The following ILK variants were observed in gnomAD, a reference collection of about 807,000 sequenced individuals.
ILK encodes scaffold protein ILK.
In ILK, 37 loss-of-function variants were observed where a neutral mutation model predicts 57.8. That is an observed-to-expected ratio of 0.64 (90% CI 0.49 to 0.84). ILK has a LOEUF of 0.84. Among genes scored for constraint, ILK ranks in the 40% least tolerant of loss-of-function variants. The probability of loss-of-function intolerance (pLI) is 0.00; values close to 1 mark genes in which losing one functional copy is unlikely to be tolerated. For synonymous variants in ILK, 231 were observed against 202.2 expected (o/e 1.14, Z -1.21); for missense variants, 528 against 595.7 (o/e 0.89, Z 1.18).
At position 6,610,464 on chromosome 11, in the gene ILK, G is replaced by A. The variant is rs1473803301; in HGVS notation, c.1212G>A (p.Val404=). The change falls in exon 13 of 13, where the codon GTG becomes GTA. Residue 404 remains valine, a splice_region_variant and synonymous_variant. Coordinates refer to ENST00000299421, the MANE Select transcript of ILK (RefSeq NM_004517.4). ...DLSNMEIGMK[V]ALEGLRPTIP... Reference sequence around the variant, plus strand: ...TGCTTTTTTTCTTGTATTCGCAGGTGGCATTGGAAGGCCTTCGGCCTACCA... The same window carrying A: ...TGCTTTTTTTCTTGTATTCGCAGGTAGCATTGGAAGGCCTTCGGCCTACCA... The A allele has an allele frequency of 2.5e-6, 4 of 1,614,076 alleles. No homozygotes were observed. The highest frequency in any genetic ancestry group is 2.5e-6 in the Non-Finnish European group (3 of 1,180,032).
Position 6,610,451 on chromosome 11 carries a change from T to C in ILK, c.1210-11T>C, listed in dbSNP as rs766460035. ...CAAATTGTGAGGCTGCTTTTTTTCTTGTATTCGCAGGTGGCATTGGAAGGC... is the reference window on the plus strand; with the variant it reads ...CAAATTGTGAGGCTGCTTTTTTTCTCGTATTCGCAGGTGGCATTGGAAGGC... On this transcript the variant is annotated splice_polypyrimidine_tract_variant and intron_variant, in intron 12 of 12. Transcript: ENST00000299421. 13 of 1,614,100 alleles carry C rather than the reference T, an allele frequency of 8.1e-6. 1 individual carries two copies. The highest frequency in any genetic ancestry group is 5.0e-5 in the Admixed American group (3 of 60,018).
At chr11:6,604,436 G>C (rs1854618735) in intron 2 of ILK, 76 bp downstream of exon 2, 1 of 1,349,510 alleles carries the variant, frequency 7.4e-7, no homozygotes, top group Non-Finnish European at 1.0e-6. Context: ...CTCATGTCTG[G>C]TGGTGGCGGC....
rs200599853 is a variant in ILK at position 6,610,417 on chromosome 11, T to C, written c.1210-45T>C. 11 of 1,613,962 alleles carry C rather than the reference T, an allele frequency of 6.8e-6. No individual in the cohort carries two copies. The East Asian group carries it at 2.4e-4, about 36-fold the overall frequency. ...CAAGGGCCAGTGGCTTCTCTCTACA[T>C]GACAGACTCAAATTGTGAGGCTGCT... On this transcript the variant is annotated intron_variant, in intron 12 of 12. Coordinates refer to ENST00000299421, the MANE Select transcript of ILK (RefSeq NM_004517.4).
chr11:6,604,852 G>A, intron 2 of ILK: 1 of 456,736 alleles, frequency 2.2e-6, no homozygotes, highest in Non-Finnish European at 4.4e-6. Flanking sequence ...CCATTTTTCA[G>A]TATCGTCTTG....
chr11:6,610,627 G>A lies in ILK; in HGVS notation c.*16G>A, dbSNP rs1209321656. 10 of 1,613,952 alleles carry A rather than the reference G, an allele frequency of 6.2e-6. No homozygotes were observed. The highest frequency in any genetic ancestry group is 1.1e-5 in the South Asian group (1 of 91,078). Reference sequence around the variant, plus strand: ...GGACAAGTAGGACTGGAAGGTCCTTGCCTGAACTCCAGAGGTGTCGGGACA... The same window carrying A: ...GGACAAGTAGGACTGGAAGGTCCTTACCTGAACTCCAGAGGTGTCGGGACA... On this transcript the variant is annotated 3_prime_UTR_variant, in exon 13 of 13. Coordinates refer to ENST00000299421, the MANE Select transcript of ILK (RefSeq NM_004517.4).
intron 2 of ILK, chr11:6,604,842 C>A (rs12272856): frequency 0.29 from 131,371 of 456,882 alleles, 19,870 homozygotes; most frequent in African/African-American, 0.44. Flanking sequence ...ATGAGATTGT[C>A]CATTTTTCAG....
In ILK at chr11:6,608,393, G is replaced by A. The variant is rs1855157790; in HGVS notation, c.256-1G>A. The A allele has an allele frequency of 6.2e-7, 1 of 1,613,502 alleles. No homozygotes were observed. Among genetic ancestry groups the A allele is most frequent in the South Asian group, 1.1e-5 (1 of 91,070 alleles). ...TCTTTTTGTCTGGCCATGGGGTCCA[G>A]CTATTGCAGTACAAGGCAGACATCA... On this transcript the variant is annotated splice_acceptor_variant, in intron 3 of 12. Transcript: ENST00000299421. LOFTEE classifies it high-confidence loss of function. The surrounding 1 kb of genome is among the most constrained non-coding windows in gnomAD (Gnocchi z 4.9).
intron 2 of ILK, chr11:6,607,841 T>G (rs1381643271): frequency 1.7e-5 from 10 of 594,032 alleles, no homozygotes; most frequent in Admixed American, 2.9e-5. Context: ...TTATAGAGGT[T>G]GTTGAGATAT....
chr11:6,604,861 T>C (rs753555378), intron 2 of ILK: 8 of 456,498 alleles, frequency 1.8e-5, no homozygotes, highest in Non-Finnish European at 2.6e-5. Flanking sequence ...AGTATCGTCT[T>C]GGATGCTTTG....
intron 7 of ILK, 38 bp downstream of exon 7, chr11:6,609,194 C>T (rs781672806): frequency 8.8e-6 from 14 of 1,599,886 alleles, no homozygotes; most frequent in Non-Finnish European, 1.1e-5. Context: ...TCACTAAACC[C>T]CCATAAATTA....
rs756318102 is a variant in ILK at position 6,610,186 on chromosome 11, G to A, written c.1117G>A (p.Ala373Thr). The stretch of plus-strand genomic sequence containing the variant: ...GCCTGAAGACACAAACAGACGCTCA[G>A]CAGACATGTGGAGTTTTGCAGTGCT... ...KKPEDTNRRS[A>T]DMWSFAVLLW... The change falls in exon 12 of 13, where the codon GCA (alanine) becomes ACA (threonine). Residue 373 changes from alanine (A) to threonine (T), a missense_variant. Coordinates refer to ENST00000299421, the MANE Select transcript of ILK (RefSeq NM_004517.4). 1.9e-6 allele frequency: 3 copies of A among 1,614,082 alleles called. No individual in the cohort carries two copies. In the East Asian group the frequency reaches 6.7e-5, roughly 36 times the overall value.
Position 6,604,367 on chromosome 11 carries a change from T to G in ILK, c.89+7T>G. On this transcript the variant is annotated splice_region_variant and intron_variant, in intron 2 of 12. Coordinates refer to ENST00000299421, the MANE Select transcript of ILK (RefSeq NM_004517.4). ...AGAACGACCTCAACCAGGGGTGAGCTGAAACGGTTGGTGGATGAGAGGAAG... is the reference window on the plus strand; with the variant it reads ...AGAACGACCTCAACCAGGGGTGAGCGGAAACGGTTGGTGGATGAGAGGAAG... The G allele has an allele frequency of 1.2e-6, 2 of 1,600,410 alleles. No homozygotes were observed. The highest frequency in any genetic ancestry group is 4.5e-5 in the East Asian group (2 of 44,130).
At chr11:6,604,884 G>A (rs762303989) in intron 2 of ILK, 7 of 456,326 alleles carry the variant, frequency 1.5e-5, no homozygotes, top group Non-Finnish European at 3.1e-5. Flanking sequence ...AAGAGCAGGT[G>A]GAAAGGAGGC....
intron 2 of ILK, chr11:6,607,190 G>A (rs1312715565): frequency 6.6e-6 from 1 of 152,402 alleles, no homozygotes; most frequent in Admixed American, 6.5e-5. Context: ...CCGAACTGGA[G>A]GGAATTTCCT....
chr11:6,610,805 C>A lies in ILK; in HGVS notation c.*194C>A. 2 of 1,381,352 alleles carry A rather than the reference C, an allele frequency of 1.4e-6. No homozygotes were observed. Among genetic ancestry groups the A allele is most frequent in the Non-Finnish European group, 2.0e-6 (2 of 980,754 alleles). The allele number at this position is 1,381,352 out of a possible 1,614,324, so 85.6% of individuals were successfully genotyped here. A position where few individuals can be genotyped will look rare whatever the true frequency, so the allele number is the denominator to read the frequency against. ...GGCGGGCTCAGAGCTTTGTCACTTG[C>A]CACATGGTGTCTCCCAACATGGGAG... On this transcript the variant is annotated 3_prime_UTR_variant, in exon 13 of 13. Coordinates refer to ENST00000299421, the MANE Select transcript of ILK (RefSeq NM_004517.4).
Position 6,610,051 on chromosome 11 carries a change from A to T in ILK, c.1078+16A>T, listed in dbSNP as rs761346975. The stretch of plus-strand genomic sequence containing the variant: ...GCCCCCGAAGGTGAGTGAAGTCATC[A>T]TGTCGGGAGGTAAAAAAGGACCACC... On this transcript the variant is annotated intron_variant, in intron 11 of 12. Transcript: ENST00000299421. 1 of 1,614,140 alleles carries T rather than the reference A, an allele frequency of 6.2e-7. No individual in the cohort carries two copies.
chr11:6,609,914 C>T, intron 10 of ILK, 22 bp from the exon 11 acceptor site: 4 of 1,614,178 alleles, frequency 2.5e-6, no homozygotes, highest in Non-Finnish European at 3.4e-6. Flanking sequence ...TTACCTCCTT[C>T]TATCTGTTTT....
chr11:6,607,895 T>TG (rs1855087986), intron 2 of ILK, 151 bp from the exon 3 acceptor site: 4 of 755,510 alleles, frequency 5.3e-6, no homozygotes, highest in Admixed American at 4.5e-5. Flanking sequence ...AGGTCTGAAA[T>TG]GGACAGCTTT....
In ILK at chr11:6,608,096, C is replaced by G. The variant is rs1359613816; in HGVS notation, c.140C>G (p.Ser47Cys). 1.9e-6 allele frequency: 3 copies of G among 1,614,068 alleles called. No individual in the cohort carries two copies. The highest frequency in any genetic ancestry group is 2.5e-6 in the Non-Finnish European group (3 of 1,180,042). ...CACTGGGCCTGCCGAGAGGGCCGCT[C>G]TGCTGTGGTTGAGATGTTGATCATG... ...PLHWACREGR[S>C]AVVEMLIMRG... The change falls in exon 3 of 13, where the codon TCT (serine) becomes TGT (cysteine). Residue 47 changes from serine (S) to cysteine (C), a missense_variant. Transcript: ENST00000299421. The surrounding 1 kb of genome is among the most constrained non-coding windows in gnomAD (Gnocchi z 4.9).
Sources: allele counts gnomAD v4.1 joint callset, GRCh38; gene constraint gnomAD v4.1.1; non-coding constraint Gnocchi (gnomAD v3.1); transcripts MANE v1.5; gene names NCBI Gene and HGNC (gene_info 2026-07-23, HGNC 2026-07-21).